SLC9A6: variants seen among roughly 807,000 people sequenced by gnomAD.
SLC9A6 encodes solute carrier family 9 member A6.
SLC9A6 carries 6 observed loss-of-function variants against 45.3 expected under a neutral mutation model. The ratio of observed to expected loss-of-function variants is 0.13; its 90% CI spans 0.07 to 0.26. The LOEUF (loss-of-function observed/expected upper bound fraction) is 0.26. SLC9A6 is among the 10% of genes least tolerant of loss of function. SLC9A6 has a pLI of 1.00. For missense variants in SLC9A6, 278 were observed against 503.7 expected (o/e 0.55, Z 4.29); for synonymous variants, 191 against 187.7 (o/e 1.02, Z -0.14).
chrX:135,979,980 G>C (rs1324028737), intron 1 of SLC9A6, among the ~76,000 whole-genome samples: 1 of 111,100 alleles, frequency 9.0e-6, no homozygotes, highest in African/African-American at 3.3e-5. Context: ...TGCCCAGGCT[G>C]GTCTTGAACT....
At chrX:136,030,412 T>G (rs781844197) in intron 15 of SLC9A6, 2 of 400,620 alleles carry the variant, frequency 5.0e-6, no homozygotes, top group African/African-American at 5.1e-5. Flanking sequence ...GCCTGGGCTT[T>G]TGTCCCAGAG....
In SLC9A6 at chrX:136,013,543, A is replaced by C. The variant is rs942325158; in HGVS notation, c.1080+106A>C. 1.3e-5 allele frequency: 7 copies of C among 557,074 alleles called. No homozygotes were observed. In the Admixed American group the frequency reaches 1.3e-4, roughly 11 times the overall value. The allele number at this position is 557,074 out of a possible 1,213,427, so 45.9% of individuals were successfully genotyped here. ...TAGTCTTTGATCTGTTCAAGATGCT[A>C]TCTACTCATTTTGGCTCCTCTTCCT... On this transcript the variant is annotated intron_variant, in intron 10 of 17. Coordinates refer to ENST00000630721, the MANE Select transcript of SLC9A6 (RefSeq NM_001379110.1).
At chrX:135,989,997 T>C (rs1431021045) in intron 2 of SLC9A6, among the ~76,000 whole-genome samples, 1 of 111,793 alleles carries the variant, frequency 8.9e-6, no homozygotes, top group African/African-American at 3.3e-5. Context: ...GTTTTTGTTT[T>C]TGTTTTGAGA....
At chrX:136,044,040 T>C (rs1556623085) in intron 17 of SLC9A6, among the ~76,000 whole-genome samples, 2 of 111,714 alleles carry the variant, frequency 1.8e-5, no homozygotes, top group African/African-American at 6.5e-5. Flanking sequence ...GAGGGCCAAG[T>C]ATAGGATGCC....
At chrX:136,029,953 T>C (rs782180848) in intron 14 of SLC9A6, 179 bp from the exon 15 acceptor site, 9 of 464,866 alleles carry the variant, frequency 1.9e-5, no homozygotes, top group Non-Finnish European at 3.4e-5. Context: ...GAATCCAAGC[T>C]GTTGCTAAGG....
intron 15 of SLC9A6, 37 bp downstream of exon 15, chrX:136,030,199 C>CATTTGG: frequency 8.6e-7 from 1 of 1,168,694 alleles, no homozygotes; most frequent in Non-Finnish European, 1.2e-6. Flanking sequence ...GCATTTCTGT[C>CATTTGG]AAATGTGCAG....
chrX:136,025,926 G>A (rs782586606), intron 13 of SLC9A6, among the ~76,000 whole-genome samples: 1 of 111,134 alleles, frequency 9.0e-6, no homozygotes, highest in South Asian at 3.8e-4. Context: ...TTGTCCTAAG[G>A]ATAACAAAAT....
At chrX:136,044,125 G>T (rs782533117) in intron 17 of SLC9A6, among the ~76,000 whole-genome samples, 1 of 111,872 alleles carries the variant, frequency 8.9e-6, no homozygotes, top group African/African-American at 3.2e-5. Flanking sequence ...AGTGATAAAA[G>T]GATGTTAGTC....
intron 2 of SLC9A6, among the ~76,000 whole-genome samples, chrX:135,989,981 T>TTTTTTG (rs1235027805): frequency 1.6e-4 from 18 of 111,560 alleles, no homozygotes; most frequent in African/African-American, 5.2e-4. Flanking sequence ...TGGTTGTGTT[T>TTTTTTG]TTTTTGTTTT....
At chrX:135,982,728 C>T (rs1481571395), upstream of SLC9A6, among the ~76,000 whole-genome samples, 3 of 112,057 alleles carry the variant, frequency 2.7e-5, no homozygotes, top group Non-Finnish European at 5.6e-5. Flanking sequence ...CCCGCCTTGG[C>T]CTCCCAAATT....
intron 8 of SLC9A6, among the ~76,000 whole-genome samples, chrX:136,012,739 G>A (rs1430154220): frequency 8.0e-5 from 9 of 112,467 alleles, no homozygotes; most frequent in East Asian, 2.8e-4. Context: ...TGGCTAAGCC[G>A]TAAGGCTTCC....
intron 7 of SLC9A6, among the ~76,000 whole-genome samples, chrX:136,008,805 A>T (rs1168436019): frequency 2.7e-5 from 3 of 112,294 alleles, no homozygotes; most frequent in Non-Finnish European, 5.6e-5. Context: ...ATATCAATTG[A>T]TACAGAAAAG....
chrX:136,013,237 T>G, intron 9 of SLC9A6, 112 bp from the exon 10 acceptor site: 3 of 779,891 alleles, frequency 3.8e-6, no homozygotes, highest in Non-Finnish European at 5.9e-6. Context: ...ACAAAGTAAG[T>G]CACAAATGAG....
intron 16 of SLC9A6, among the ~76,000 whole-genome samples, chrX:136,033,874 G>T (rs1292809959): frequency 8.9e-6 from 1 of 111,992 alleles, no homozygotes; most frequent in African/African-American, 3.2e-5. Flanking sequence ...GAGAGGAAAG[G>T]CTTGGGAAAA....
intron 8 of SLC9A6, among the ~76,000 whole-genome samples, chrX:136,011,070 C>T (rs1204519494): frequency 4.5e-5 from 5 of 111,912 alleles, no homozygotes; most frequent in South Asian, 7.5e-4. Flanking sequence ...GAGCCCTGGA[C>T]GGGAAGCCCA....
chrX:136,028,499 A>G (rs2071266563), intron 13 of SLC9A6, among the ~76,000 whole-genome samples: 1 of 112,475 alleles, frequency 8.9e-6, no homozygotes, highest in Non-Finnish European at 1.9e-5. Flanking sequence ...TAAGTGCTCT[A>G]TAAATGTTTA....
At chrX:136,031,483 C>T (rs976626992) in intron 15 of SLC9A6, among the ~76,000 whole-genome samples, 1 of 111,917 alleles carries the variant, frequency 8.9e-6, no homozygotes, top group African/African-American at 3.2e-5. Flanking sequence ...GTGGATCACA[C>T]GAGGTCAGGA....
In SLC9A6 at chrX:135,998,563, GTATTT is replaced by G. The variant is rs782802858; in HGVS notation, c.524+8_524+12del. The G allele has an allele frequency of 3.5e-6, 4 of 1,127,907 alleles. No homozygotes were observed. The Admixed American group carries it at 9.0e-5, about 26-fold the overall frequency. The allele number at this position is 1,127,907 out of a possible 1,213,427, so 93.0% of individuals were successfully genotyped here. ...AATTTCTTGTTTCGTTATTGGGTAA[GTATTT>G]TAAGCTTAAAATACTTTGTGGCCTT... is the stretch of plus-strand genomic sequence containing the variant. On this transcript the variant is annotated splice_donor_region_variant and intron_variant, in intron 5 of 17. Transcript: ENST00000630721.
upstream of SLC9A6, chrX:135,985,331 C>A: frequency 3.1e-6 from 1 of 318,545 alleles, no homozygotes; most frequent in South Asian, 1.3e-4. Context: ...GACAGAGGGG[C>A]AAAGGAACCT....
Sources: allele counts gnomAD v4.1 joint callset (sites outside exome capture counted in the v4.1 genomes callset), GRCh38; gene constraint gnomAD v4.1.1; transcripts MANE v1.5; gene names NCBI Gene and HGNC (gene_info 2026-07-23, HGNC 2026-07-21).